Variants in PELI2 observed in about 807,000 individuals in gnomAD.
PELI2 encodes the protein E3 ubiquitin-protein ligase pellino homolog 2.
Under a neutral mutation model 42.3 loss-of-function variants are expected in PELI2, and 23 were observed. The ratio of observed to expected loss-of-function variants is 0.54; its 90% CI spans 0.39 to 0.77. The LOEUF (loss-of-function observed/expected upper bound fraction) is 0.77, where lower values mean the gene tolerates loss of function less well. PELI2 is among the 30% of genes least tolerant of loss of function. PELI2 has a pLI of 0.00. For missense variants in PELI2, 463 were observed against 553.2 expected (o/e 0.84, Z 1.64); for synonymous variants, 245 against 212.2 (o/e 1.15, Z -1.34).
intron 1 of PELI2, among the ~76,000 whole-genome samples, chr14:56,146,726 GT>G (rs1022250399): frequency 3.3e-5 from 5 of 152,010 alleles, no homozygotes; most frequent in Admixed American, 2.6e-4. Context: ...GAATTATTAG[GT>G]TTGCATGATG....
intron 2 of PELI2, among the ~76,000 whole-genome samples, chr14:56,274,263 T>C (rs1172728815): frequency 6.6e-6 from 1 of 152,162 alleles, no homozygotes; most frequent in Non-Finnish European, 1.5e-5. Flanking sequence ...TCTCTCTCCA[T>C]ACAGTTGATA....
intron 1 of PELI2, among the ~76,000 whole-genome samples, chr14:56,145,561 T>G (rs1884083613): frequency 6.6e-6 from 1 of 152,248 alleles, no homozygotes; most frequent in African/African-American, 2.4e-5. Context: ...TAGTTAGGTT[T>G]TATACCTTTG....
At chr14:56,228,984 A>G (rs7143399) in intron 2 of PELI2, among the ~76,000 whole-genome samples, 60,899 of 152,208 alleles carry the variant, frequency 0.4, 12,995 homozygotes, top group South Asian at 0.53. Flanking sequence ...CCACACCCAC[A>G]GAGCCTTGCT....
intron 1 of PELI2, among the ~76,000 whole-genome samples, chr14:56,178,090 ACT>A (rs1380218209): frequency 2.0e-5 from 3 of 152,108 alleles, no homozygotes; most frequent in Non-Finnish European, 4.4e-5. Context: ...AGATTTGAAG[ACT>A]CTGACTTTAT....
chr14:56,119,483 G>T (rs1882984732), intron 1 of PELI2, among the ~76,000 whole-genome samples: 1 of 152,196 alleles, frequency 6.6e-6, no homozygotes, highest in Non-Finnish European at 1.5e-5. Flanking sequence ...ATGCCCTCCC[G>T]GCTGCGGGGA....
intron 2 of PELI2, among the ~76,000 whole-genome samples, chr14:56,257,762 T>G (rs1888573268): frequency 6.6e-6 from 1 of 152,178 alleles, no homozygotes; most frequent in South Asian, 2.1e-4. Context: ...GCTTACTGCC[T>G]AAGGCAGTTT....
chr14:56,170,415 G>A (rs1337073258), intron 1 of PELI2, among the ~76,000 whole-genome samples: 1 of 152,178 alleles, frequency 6.6e-6, no homozygotes, highest in Non-Finnish European at 1.5e-5. Context: ...ACATTTTTAG[G>A]TGGCAGACAT....
intron 1 of PELI2, among the ~76,000 whole-genome samples, chr14:56,149,449 T>C (rs759319458): frequency 6.6e-6 from 1 of 152,226 alleles, no homozygotes; most frequent in African/African-American, 2.4e-5. Context: ...AATTATGCCT[T>C]ACAAAATAAG....
chr14:56,202,441 CT>C (rs1337394110), intron 2 of PELI2, among the ~76,000 whole-genome samples: 1 of 152,076 alleles, frequency 6.6e-6, no homozygotes, highest in East Asian at 1.9e-4. Flanking sequence ...TCATAGTTAC[CT>C]GTCAGTTCTG....
At chr14:56,168,750 C>CCCATAGCTA (rs200426755) in intron 1 of PELI2, among the ~76,000 whole-genome samples, 3,254 of 151,974 alleles carry the variant, frequency 0.021, 51 homozygotes, top group Middle Eastern at 0.068. Context: ...GGAGTTTTGC[C>CCCATAGCTA]CCATAGCTAC....
Position 56,143,449 on chromosome 14 carries a change from C to T in PELI2, c.77+24712C>T, listed in dbSNP as rs1469055262. ...ACGTTGAGATGAATTTTCATGTTTT[C>T]CCTTAGACTTTCACCAGCTGATTTT... On this transcript the variant is annotated intron_variant, in intron 1 of 5. Transcript: ENST00000267460. Among the ~76,000 whole-genome samples the T allele has an allele frequency of 3.3e-5, 5 of 152,278 alleles. No individual in the cohort carries two copies. The East Asian group carries it at 9.6e-4, about 29-fold the overall frequency.
chr14:56,254,930 A>G (rs1210537468), intron 2 of PELI2, among the ~76,000 whole-genome samples: 1 of 152,226 alleles, frequency 6.6e-6, no homozygotes, highest in Non-Finnish European at 1.5e-5. Flanking sequence ...TCAAAACCAC[A>G]ATGAGATACC....
intron 1 of PELI2, among the ~76,000 whole-genome samples, chr14:56,127,692 T>G (rs577806419): frequency 6.6e-6 from 1 of 152,284 alleles, no homozygotes; most frequent in Non-Finnish European, 1.5e-5. Flanking sequence ...TGCCTCCAGA[T>G]TGAACACTTT....
chr14:56,187,336 C>G (rs1885802378), intron 2 of PELI2, among the ~76,000 whole-genome samples: 1 of 152,092 alleles, frequency 6.6e-6, no homozygotes, highest in African/African-American at 2.4e-5. Context: ...CTACAAGGGA[C>G]AAGTTTGTAC....
chr14:56,262,152 A>G (rs1420339675), intron 2 of PELI2, among the ~76,000 whole-genome samples: 1 of 152,252 alleles, frequency 6.6e-6, no homozygotes, highest in Non-Finnish European at 1.5e-5. Context: ...TTTACAGGCA[A>G]AATCCTAAGG....
At chr14:56,258,580 T>TA (rs34178504) in intron 2 of PELI2, among the ~76,000 whole-genome samples, 46,902 of 144,478 alleles carry the variant, frequency 0.32, 7,829 homozygotes, top group African/African-American at 0.45. Context: ...ATGTCTGAAA[T>TA]AAAAAAAAAA....
rs1314864412 is a variant in PELI2 at position 56,178,206 on chromosome 14, T to C, written c.78-129T>C. The C allele has an allele frequency of 9.6e-6, 8 of 836,484 alleles. No individual in the cohort carries two copies. In the Admixed American group the frequency reaches 1.0e-4, roughly 11 times the overall value. 51.8% of individuals were successfully genotyped at this position (836,484 alleles called of 1,614,324 possible). On this transcript the variant is annotated intron_variant, in intron 1 of 5. Coordinates refer to ENST00000267460, the MANE Select transcript of PELI2 (RefSeq NM_021255.3). ...AAGTCTGTATTGCAACCCTTTCCTT[T>C]TGTGGAGTGTTTAGTGGGCAATTCT...
At chr14:56,292,157 A>G (rs1594720907) in intron 5 of PELI2, among the ~76,000 whole-genome samples, 1 of 152,230 alleles carries the variant, frequency 6.6e-6, no homozygotes, top group African/African-American at 2.4e-5. Context: ...AATGGCTTGT[A>G]TTAATGAGTT....
At chr14:56,209,067 A>C (rs1171593718) in intron 2 of PELI2, among the ~76,000 whole-genome samples, 1 of 152,240 alleles carries the variant, frequency 6.6e-6, no homozygotes, top group African/African-American at 2.4e-5. Context: ...AGTATAATGA[A>C]ATATGTCAAC....
Sources: gnomAD v4.1 joint callset for allele counts (sites outside exome capture counted in the v4.1 genomes callset) on GRCh38, gnomAD v4.1.1 for gene constraint, MANE v1.5 for transcripts, NCBI Gene and HGNC (gene_info 2026-07-23, HGNC 2026-07-21) for gene names.